The following PTPRT variants were observed in gnomAD, a reference collection of about 807,000 sequenced individuals.
PTPRT encodes the protein protein tyrosine phosphatase receptor type T.
A neutral mutation model predicts 176.8 loss-of-function variants in PTPRT; 56 were observed. The ratio of observed to expected loss-of-function variants is 0.32; its 90% CI spans 0.26 to 0.40. The LOEUF is 0.40. PTPRT is among the 10% of genes least tolerant of loss of function. The pLI, the probability that PTPRT is intolerant of heterozygous loss-of-function variation, is 1.00. For missense variants in PTPRT, 1,540 were observed against 1,908.2 expected, an observed-to-expected ratio of 0.81 and a Z score of 3.60; for synonymous variants, 783 against 739.0, an observed-to-expected ratio of 1.06 and a Z score of -0.96.
intron 1 of PTPRT, among the ~76,000 whole-genome samples, chr20:43,061,087 A>AATGG (rs3030304): frequency 0.37 from 55,688 of 149,844 alleles, 11,295 homozygotes; most frequent in Non-Finnish European, 0.46. Flanking sequence ...CGGATAAATG[A>AATGG]ATGGATGGAT....
chr20:43,176,295 C>G (rs563637350), intron 1 of PTPRT, among the ~76,000 whole-genome samples: 1 of 151,858 alleles, frequency 6.6e-6, no homozygotes, highest in African/African-American at 2.4e-5. Flanking sequence ...AGACCCTGGG[C>G]TCTGACTGTG....
chr20:42,584,921 C>T (rs1343376736), intron 7 of PTPRT, among the ~76,000 whole-genome samples: 1 of 152,192 alleles, frequency 6.6e-6, no homozygotes, highest in Non-Finnish European at 1.5e-5. Context: ...AGGAATAACA[C>T]ATTTCAAAAT....
chr20:42,085,653 C>T (rs553961368), intron 28 of PTPRT, 75 bp downstream of exon 28: 33 of 1,582,192 alleles, frequency 2.1e-5, no homozygotes, highest in African/African-American at 2.7e-5. Context: ...GCTGGCTCAG[C>T]GGGATCCTCT....
At chr20:43,079,009 T>C (rs559188844) in intron 1 of PTPRT, among the ~76,000 whole-genome samples, 39 of 152,352 alleles carry the variant, frequency 2.6e-4, no homozygotes, top group African/African-American at 6.0e-4. Context: ...AGTTCTGTTC[T>C]AGACCCATTT....
chr20:42,171,588 G>C (rs958786126), intron 16 of PTPRT, among the ~76,000 whole-genome samples: 1 of 152,122 alleles, frequency 6.6e-6, no homozygotes, highest in Non-Finnish European at 1.5e-5. Flanking sequence ...ACAGGGTACT[G>C]TAGAGGTGTG....
intron 16 of PTPRT, among the ~76,000 whole-genome samples, chr20:42,179,761 A>G (rs946974295): frequency 2.0e-5 from 3 of 152,200 alleles, no homozygotes; most frequent in Non-Finnish European, 4.4e-5. Flanking sequence ...GCTCTTTGCC[A>G]AGCAGGGCCA....
chr20:42,308,677 T>C (rs901207455), intron 12 of PTPRT, among the ~76,000 whole-genome samples: 2 of 152,200 alleles, frequency 1.3e-5, no homozygotes, highest in African/African-American at 4.8e-5. Context: ...TCTTGAGATG[T>C]TAAGTAAACT....
intron 8 of PTPRT, among the ~76,000 whole-genome samples, chr20:42,462,215 G>A (rs1460632706): frequency 6.6e-6 from 1 of 152,176 alleles, no homozygotes; most frequent in Non-Finnish European, 1.5e-5. Flanking sequence ...AGTGAGAACA[G>A]GTGGATGTGC....
intron 1 of PTPRT, among the ~76,000 whole-genome samples, chr20:43,171,336 G>A (rs1044471780): frequency 2.6e-5 from 4 of 152,112 alleles, no homozygotes; most frequent in African/African-American, 4.8e-5. Context: ...AGTGAGCCCC[G>A]ACTATGTGTA....
chr20:42,106,710 T>C (rs1986477085), intron 24 of PTPRT, 76 bp downstream of exon 24: 2 of 1,550,600 alleles, frequency 1.3e-6, no homozygotes, highest in Admixed American at 1.8e-5. Context: ...TACCTATGTG[T>C]CTCTCCGTTC....
rs571400615 is a variant in PTPRT at position 42,319,413 on chromosome 20, A to AT, written c.1866-3418dup. On this transcript the variant is annotated intron_variant, in intron 11 of 30. Coordinates refer to ENST00000373187, the MANE Select transcript of PTPRT (RefSeq NM_007050.6). The stretch of plus-strand genomic sequence containing the variant: ...GAAATTACAAAGAATAGCAAAGGGT[A>AT]TTTTTTTTTGGTTTAAACTGTGCAG... Among the ~76,000 whole-genome samples the AT allele has an allele frequency of 3.2e-3, 490 of 150,910 alleles. 1 individual carries two copies. The highest frequency in any genetic ancestry group is 9.7e-3 in the African/African-American group (400 of 41,168).
intron 7 of PTPRT, among the ~76,000 whole-genome samples, chr20:42,573,905 C>G (rs925582935): frequency 1.3e-5 from 2 of 151,986 alleles, no homozygotes; most frequent in Non-Finnish European, 2.9e-5. Context: ...CGTGCCACCA[C>G]GCCCGGTTAA....
intron 7 of PTPRT, among the ~76,000 whole-genome samples, chr20:42,569,081 A>AAAAAAAAT (rs1568984651): frequency 3.2e-5 from 1 of 30,810 alleles, no homozygotes; most frequent in Non-Finnish European, 5.5e-5. Flanking sequence ...AAAAAAAAAA[A>AAAAAAAAT]ATATATATAT....
chr20:43,149,140 T>C, intron 1 of PTPRT, among the ~76,000 whole-genome samples: 1 of 152,230 alleles, frequency 6.6e-6, no homozygotes. Flanking sequence ...TATAGAATAG[T>C]ATATAATTTT....
At chr20:42,336,455 T>C (rs1483360434) in intron 11 of PTPRT, among the ~76,000 whole-genome samples, 1 of 152,100 alleles carries the variant, frequency 6.6e-6, no homozygotes, top group Non-Finnish European at 1.5e-5. Context: ...AATGGTGGTG[T>C]TGGGAATGGT....
chr20:42,493,196 G>A (rs1254132261), intron 7 of PTPRT, among the ~76,000 whole-genome samples: 2 of 152,188 alleles, frequency 1.3e-5, no homozygotes, highest in Non-Finnish European at 2.9e-5. Context: ...TTTTACAGAT[G>A]AGGAATCCAA....
At chr20:42,632,578 C>T (rs1450042343) in intron 7 of PTPRT, among the ~76,000 whole-genome samples, 2 of 151,476 alleles carry the variant, frequency 1.3e-5, no homozygotes, top group Non-Finnish European at 2.9e-5. Context: ...TATTCTTTTA[C>T]TATATTATCT....
chr20:42,542,694 T>G (rs529326607), intron 7 of PTPRT, among the ~76,000 whole-genome samples: 1 of 152,330 alleles, frequency 6.6e-6, no homozygotes, highest in East Asian at 1.9e-4. Context: ...TACTCACACA[T>G]GCATGAAATA....
intron 7 of PTPRT, among the ~76,000 whole-genome samples, chr20:42,493,053 CA>C (rs1457575151): frequency 6.6e-6 from 1 of 152,058 alleles, no homozygotes; most frequent in Non-Finnish European, 1.5e-5. Context: ...AAATGATAAC[CA>C]CAAAAACAAC....
Sources: allele counts gnomAD v4.1 joint callset (sites outside exome capture counted in the v4.1 genomes callset), GRCh38; gene constraint gnomAD v4.1.1; transcripts MANE v1.5; gene names NCBI Gene and HGNC (gene_info 2026-07-23, HGNC 2026-07-21).